The following EIF3J variants were observed in gnomAD, a reference collection of about 807,000 sequenced individuals.
EIF3J encodes eukaryotic translation initiation factor 3 subunit J.
A neutral mutation model predicts 39.0 loss-of-function variants in EIF3J; 15 were observed. The observed-to-expected ratio is 0.38, with a 90% CI of 0.26 to 0.59. The LOEUF (loss-of-function observed/expected upper bound fraction) is 0.59. EIF3J is among the 20% of genes least tolerant of loss of function. The pLI is 0.60. For synonymous variants in EIF3J, 98 were observed against 112.9 expected (o/e 0.87, Z 0.84); for missense variants, 226 against 308.6 (o/e 0.73, Z 2.00).
At chr15:44,558,840 A>C (rs1170658025) in intron 6 of EIF3J, 1 of 152,188 alleles carries the variant, frequency 6.6e-6, no homozygotes, top group African/African-American at 2.4e-5. Context: ...TTTGATTGGT[A>C]ATGTGCCCAG....
intron 2 of EIF3J, 83 bp from the exon 3 acceptor site, chr15:44,550,793 C>T (rs2082092483): frequency 1.5e-5 from 14 of 951,642 alleles, no homozygotes; most frequent in East Asian, 2.4e-5. Context: ...ACAAACATTT[C>T]TCTGGAGTTA....
At chr15:44,537,777 C>T (rs937591114) in intron 2 of EIF3J, among the ~76,000 whole-genome samples, 13 of 152,210 alleles carry the variant, frequency 8.5e-5, no homozygotes, top group Non-Finnish European at 1.5e-4. Flanking sequence ...AGCCTTGTAG[C>T]TTATCCATAT....
intron 4 of EIF3J, among the ~76,000 whole-genome samples, chr15:44,552,278 C>A (rs146050967): frequency 3.3e-5 from 5 of 152,050 alleles, no homozygotes; most frequent in Non-Finnish European, 7.4e-5. Flanking sequence ...GACAGAGTCT[C>A]ACTCCGTTAC....
At chr15:44,549,594 C>A (rs1423688329) in intron 2 of EIF3J, among the ~76,000 whole-genome samples, 1 of 151,422 alleles carries the variant, frequency 6.6e-6, no homozygotes, top group African/African-American at 2.4e-5. Context: ...ATGGTGAAAT[C>A]CTGTCTATAC....
chr15:44,551,765 C>T (rs1228469375), intron 4 of EIF3J, among the ~76,000 whole-genome samples: 17 of 151,880 alleles, frequency 1.1e-4, no homozygotes, highest in Non-Finnish European at 2.4e-4. Flanking sequence ...GCAGTGACTA[C>T]AGTCAGTGAT....
intron 2 of EIF3J, among the ~76,000 whole-genome samples, chr15:44,547,133 G>T (rs958824560): frequency 6.8e-6 from 1 of 147,962 alleles, no homozygotes; most frequent in South Asian, 2.1e-4. Context: ...ATCCATGAAG[G>T]CTTGATTAGC....
intron 2 of EIF3J, among the ~76,000 whole-genome samples, chr15:44,541,862 T>C (rs969050595): frequency 2.0e-5 from 3 of 152,230 alleles, no homozygotes; most frequent in Non-Finnish European, 4.4e-5. Context: ...CCAACCAGAT[T>C]ATTTTCAAGA....
chr15:44,543,573 C>A (rs1330898802), intron 2 of EIF3J, among the ~76,000 whole-genome samples: 1 of 152,008 alleles, frequency 6.6e-6, no homozygotes, highest in Non-Finnish European at 1.5e-5. Flanking sequence ...GCCACCACAC[C>A]CAGCTAATTT....
chr15:44,553,591 A>T (rs953322435), intron 4 of EIF3J, among the ~76,000 whole-genome samples: 6 of 152,362 alleles, frequency 3.9e-5, no homozygotes, highest in East Asian at 1.9e-4. Flanking sequence ...TTTGGGAAAC[A>T]AATGACATCT....
At position 44,562,055 on chromosome 15, in the gene EIF3J, CTAATT is replaced by C. The variant is rs2082203770; in HGVS notation, c.*911_*915del. 6.6e-6 allele frequency: 1 copy of C among 152,602 alleles called. No individual in the cohort carries two copies. The highest frequency in any genetic ancestry group is 1.5e-5 in the Non-Finnish European group (1 of 68,042). The allele number at this position is 152,602 out of a possible 1,614,324, so 9.5% of individuals were successfully genotyped here. On this transcript the variant is annotated 3_prime_UTR_variant, in exon 8 of 8. Transcript: ENST00000261868. ...ACATCTGCAATGTTTTATAAAGCAA[CTAATT>C]TAATAAAATCACTGTTGTGAGGACT...
intron 6 of EIF3J, chr15:44,557,882 A>G (rs1388459527): frequency 1.8e-5 from 5 of 278,976 alleles, no homozygotes; most frequent in African/African-American, 1.1e-4. Flanking sequence ...TGGCTTCCCT[A>G]AGAGATACCT....
intron 2 of EIF3J, among the ~76,000 whole-genome samples, chr15:44,544,155 G>C (rs1481320984): frequency 6.8e-6 from 1 of 148,032 alleles, no homozygotes; most frequent in East Asian, 2.0e-4. Context: ...GTGCAGTGGC[G>C]TGATCTCGGC....
intron 4 of EIF3J, among the ~76,000 whole-genome samples, 165 bp from the exon 5 acceptor site, chr15:44,554,375 TAAAAAAAAAAAAA>T (rs59415615): frequency 1.6e-5 from 1 of 61,882 alleles, no homozygotes; most frequent in African/African-American, 6.2e-5. Context: ...AGGCTCTGTC[TAAAAAAAAAAAAA>T]AAAAAAAAAA....
At chr15:44,551,575 T>C in intron 4 of EIF3J, 53 bp downstream of exon 4, 1 of 1,352,252 alleles carries the variant, frequency 7.4e-7, no homozygotes, top group Non-Finnish European at 1.0e-6. Flanking sequence ...TGGTATAGTT[T>C]CTAACAGGCT....
chr15:44,560,778 C>T (rs1251912447), intron 7 of EIF3J, among the ~76,000 whole-genome samples: 1 of 152,164 alleles, frequency 6.6e-6, no homozygotes, highest in Non-Finnish European at 1.5e-5. Flanking sequence ...CTACCAATAA[C>T]TTATAACCCC....
At chr15:44,545,536 GGTCA>G (rs1275585753) in intron 2 of EIF3J, among the ~76,000 whole-genome samples, 2 of 152,260 alleles carry the variant, frequency 1.3e-5, no homozygotes, top group Admixed American at 6.5e-5. Context: ...TCAATAAAAA[GGTCA>G]GTCAAATGTT....
intron 2 of EIF3J, among the ~76,000 whole-genome samples, chr15:44,546,603 A>C (rs2082054533): frequency 6.6e-6 from 1 of 152,072 alleles, no homozygotes; most frequent in Non-Finnish European, 1.5e-5. Flanking sequence ...CTTGCCACTC[A>C]GCTTCAAATG....
At chr15:44,553,307 A>G (rs2082116055) in intron 4 of EIF3J, among the ~76,000 whole-genome samples, 1 of 151,958 alleles carries the variant, frequency 6.6e-6, no homozygotes, top group African/African-American at 2.4e-5. Context: ...CCTGGCTAAC[A>G]CGGTGAAACC....
At chr15:44,560,456 A>AAG in intron 7 of EIF3J, 134 bp downstream of exon 7, 1 of 768,170 alleles carries the variant, frequency 1.3e-6, no homozygotes, top group Non-Finnish European at 2.0e-6. Flanking sequence ...GTTAGACTAG[A>AAG]AGAGGAGTAT....
Sources: gnomAD v4.1 joint callset for allele counts (sites outside exome capture counted in the v4.1 genomes callset) on GRCh38, gnomAD v4.1.1 for gene constraint, MANE v1.5 for transcripts, NCBI Gene and HGNC (gene_info 2026-07-23, HGNC 2026-07-21) for gene names.